Variants in FANCA observed in about 807,000 individuals in gnomAD.
The protein encoded by FANCA is FA complementation group A.
In FANCA, 236 loss-of-function variants were observed where a neutral mutation model predicts 194.3. The observed-to-expected ratio is 1.21, with a 90% CI of 1.09 to 1.35. The LOEUF (loss-of-function observed/expected upper bound fraction) is 1.35. Among genes scored for constraint, FANCA ranks in the 40% most tolerant of loss-of-function variants. The probability of loss-of-function intolerance (pLI) is 0.00; values close to 1 mark genes in which losing one functional copy is unlikely to be tolerated. For missense variants in FANCA, 2,628 were observed against 1,813.9 expected, an observed-to-expected ratio of 1.45 and a Z score of -8.15; for synonymous variants, 1,014 against 715.8, an observed-to-expected ratio of 1.42 and a Z score of -6.65.
intron 1 of FANCA, chr16:89,816,310 A>T (rs1404706964): frequency 4.1e-6 from 1 of 243,722 alleles, no homozygotes; most frequent in Non-Finnish European, 7.9e-6. Flanking sequence ...TTCGGGAAAG[A>T]AGGGAGCGCC....
chr16:89,799,735 T>C (rs1340948241), intron 8 of FANCA, 97 bp from the exon 9 acceptor site: 1 of 1,113,176 alleles, frequency 9.0e-7, no homozygotes, highest in Non-Finnish European at 1.4e-6. Flanking sequence ...TACTCTAAAG[T>C]AAAGAAACGG....
At chr16:89,747,808 G>A (rs2038442659) in intron 33 of FANCA, among the ~76,000 whole-genome samples, 1 of 152,194 alleles carries the variant, frequency 6.6e-6, no homozygotes. Context: ...ACAAGAAAAA[G>A]GCCTTCGGGA....
chr16:89,781,920 T>C (rs1165172821), intron 17 of FANCA, among the ~76,000 whole-genome samples: 2 of 146,246 alleles, frequency 1.4e-5, no homozygotes, highest in Admixed American at 7.0e-5. Context: ...GGCAGGAGAA[T>C]GGCGTGAACC....
chr16:89,797,147 G>A (rs546424188), intron 10 of FANCA, among the ~76,000 whole-genome samples: 41 of 151,884 alleles, frequency 2.7e-4, no homozygotes, highest in Middle Eastern at 6.8e-3. Flanking sequence ...GCGACAGAGC[G>A]AAATTCTGTC....
chr16:89,776,473 G>C (rs1023079494), intron 20 of FANCA, among the ~76,000 whole-genome samples: 1 of 151,650 alleles, frequency 6.6e-6, no homozygotes, highest in African/African-American at 2.4e-5. Flanking sequence ...AGCAAAACAT[G>C]AATCTTTGTT....
chr16:89,785,614 G>A (rs1378529035), intron 14 of FANCA, among the ~76,000 whole-genome samples: 2 of 152,172 alleles, frequency 1.3e-5, no homozygotes, highest in African/African-American at 4.8e-5. Context: ...AGGGAAGGAA[G>A]GAGATTTTAA....
intron 8 of FANCA, 90 bp downstream of exon 8, chr16:89,803,169 G>C: frequency 8.1e-7 from 1 of 1,241,204 alleles, no homozygotes; most frequent in South Asian, 1.2e-5. Flanking sequence ...CAAACAGCAC[G>C]TTTCAATAGA....
Position 89,738,494 on chromosome 16 carries a change from A to T in FANCA, c.*107T>A, listed in dbSNP as rs1026096277. ...AATTGATTCCTTTCCCCACTAAAGCAGTCGAGGAGATTTGTAATCCACTTT... is the reference window on the plus strand; with the variant it reads ...AATTGATTCCTTTCCCCACTAAAGCTGTCGAGGAGATTTGTAATCCACTTT... On this transcript the variant is annotated 3_prime_UTR_variant, in exon 43 of 43. Transcript: ENST00000389301. 8.5e-6 allele frequency: 13 copies of T among 1,532,826 alleles called. No individual in the cohort carries two copies. In the African/African-American group the frequency reaches 1.6e-4, roughly 19 times the overall value. The allele number at this position is 1,532,826 out of a possible 1,614,324, so 95.0% of individuals were successfully genotyped here. A position where few individuals can be genotyped will look rare whatever the true frequency, so the allele number is the denominator to read the frequency against.
intron 14 of FANCA, among the ~76,000 whole-genome samples, chr16:89,790,121 G>T (rs2040018956): frequency 6.6e-6 from 1 of 152,202 alleles, no homozygotes; most frequent in South Asian, 2.1e-4. Context: ...GAGACGCAAG[G>T]CTGGGCACGG....
chr16:89,759,748 G>T (rs1052799403), intron 29 of FANCA, among the ~76,000 whole-genome samples: 1 of 152,218 alleles, frequency 6.6e-6, no homozygotes, highest in Non-Finnish European at 1.5e-5. Context: ...CCAACAGAGT[G>T]AGACCCTGTC....
intron 8 of FANCA, among the ~76,000 whole-genome samples, chr16:89,801,881 C>T (rs141335102): frequency 0.013 from 2,004 of 151,888 alleles, 42 homozygotes; most frequent in African/African-American, 0.044. Flanking sequence ...GAGAGAGACA[C>T]CGTCTCAAAA....
At chr16:89,760,538 T>C (rs2038918118) in intron 29 of FANCA, among the ~76,000 whole-genome samples, 1 of 152,080 alleles carries the variant, frequency 6.6e-6, no homozygotes, top group African/African-American at 2.4e-5. Context: ...GGATACTCCA[T>C]ATCTGCAGTG....
chr16:89,815,850 C>G (rs1301346042), intron 2 of FANCA, 27 bp downstream of exon 2: 7 of 1,555,396 alleles, frequency 4.5e-6, no homozygotes, highest in Non-Finnish European at 6.2e-6. Context: ...TAAATCTGCC[C>G]GCAGACGGAC....
chr16:89,782,344 T>C (rs2039747197), intron 17 of FANCA, among the ~76,000 whole-genome samples: 1 of 151,104 alleles, frequency 6.6e-6, no homozygotes, highest in Non-Finnish European at 1.5e-5. Context: ...ACCCTGACTC[T>C]ATTAAAAATA....
In FANCA at chr16:89,759,325, A is replaced by T. The variant is rs1354446044; in HGVS notation, c.2853-620T>A. ...ACAGAGCGAGACTCCGTCTAAAAAAAAAAAAAAAAAAAAAAAAAAAAAAAG... is the reference window on the plus strand; with the variant it reads ...ACAGAGCGAGACTCCGTCTAAAAAATAAAAAAAAAAAAAAAAAAAAAAAAG... On this transcript the variant is annotated intron_variant, in intron 29 of 42. Transcript: ENST00000389301. Among the ~76,000 whole-genome samples the T allele has an allele frequency of 1.1e-3, 130 of 121,016 alleles. 10 individuals are homozygous for T. The highest frequency in any genetic ancestry group is 3.2e-3 in the African/African-American group (117 of 36,304). 79.4% of individuals were successfully genotyped at this position (121,016 alleles called of 152,430 possible).
intron 12 of FANCA, 84 bp downstream of exon 12, chr16:89,792,387 C>T (rs550742205): frequency 3.2e-5 from 45 of 1,401,726 alleles, no homozygotes; most frequent in Admixed American, 5.0e-5. Flanking sequence ...GTGCCGTCCA[C>T]GGCAGGCAGC....
intron 30 of FANCA, among the ~76,000 whole-genome samples, chr16:89,756,905 A>C (rs2038785573): frequency 6.6e-6 from 1 of 152,186 alleles, no homozygotes; most frequent in Non-Finnish European, 1.5e-5. Context: ...ACCACAGGGA[A>C]GGACTATTGA....
intron 8 of FANCA, 68 bp from the exon 9 acceptor site, chr16:89,799,706 C>G (rs2040375862): frequency 2.3e-6 from 3 of 1,296,046 alleles, no homozygotes; most frequent in Admixed American, 1.7e-5. Context: ...CTGCATCACA[C>G]AAGAGAATTA....
chr16:89,788,701 G>C (rs2039973966), intron 14 of FANCA, among the ~76,000 whole-genome samples: 1 of 152,048 alleles, frequency 6.6e-6, no homozygotes, highest in Non-Finnish European at 1.5e-5. Flanking sequence ...TCTGGAAGCG[G>C]AGGCAGGAGG....
Sources: allele counts gnomAD v4.1 joint callset (sites outside exome capture counted in the v4.1 genomes callset), GRCh38; gene constraint gnomAD v4.1.1; transcripts MANE v1.5; gene names NCBI Gene and HGNC (gene_info 2026-07-23, HGNC 2026-07-21).